The following OPRK1 variants were observed in gnomAD, a reference collection of about 807,000 sequenced individuals.
The protein encoded by OPRK1 is kappa-type opioid receptor.
A neutral mutation model predicts 24.5 loss-of-function variants in OPRK1; 15 were observed. The observed-to-expected ratio is 0.61, with a 90% confidence interval of 0.41 to 0.94. The LOEUF (loss-of-function observed/expected upper bound fraction) is 0.94, where lower values mean the gene tolerates loss of function less well. Ranked by LOEUF, OPRK1 falls within the 40% of genes least tolerant of loss-of-function variation. The pLI, the probability that OPRK1 is intolerant of heterozygous loss-of-function variation, is 0.00. For missense variants in OPRK1, 479 were observed against 507.3 expected (o/e 0.94, Z 0.54); for synonymous variants, 205 against 198.0 (o/e 1.04, Z -0.30).
At chr8:53,239,058 T>C (rs1807057771) in intron 2 of OPRK1, among the ~76,000 whole-genome samples, 2 of 152,254 alleles carry the variant, frequency 1.3e-5, no homozygotes, top group Admixed American at 1.3e-4. Flanking sequence ...GATTACCATA[T>C]ACCTTTCAAA....
chr8:53,247,163 T>C (rs1171635934), intron 2 of OPRK1, among the ~76,000 whole-genome samples: 1 of 152,168 alleles, frequency 6.6e-6, no homozygotes, highest in Non-Finnish European at 1.5e-5. Context: ...TGATAGCTCA[T>C]GCAGTCTAGG....
At chr8:53,247,568 T>G (rs1388063080) in intron 2 of OPRK1, among the ~76,000 whole-genome samples, 1 of 152,032 alleles carries the variant, frequency 6.6e-6, no homozygotes, top group Non-Finnish European at 1.5e-5. Flanking sequence ...GAATGGATGT[T>G]TGTGATGTCA....
At chr8:53,241,926 T>C (rs1359563999) in intron 2 of OPRK1, among the ~76,000 whole-genome samples, 1 of 152,154 alleles carries the variant, frequency 6.6e-6, no homozygotes, top group African/African-American at 2.4e-5. Flanking sequence ...CTCTCAGTTG[T>C]CCCGGCTGTG....
intron 3 of OPRK1, among the ~76,000 whole-genome samples, chr8:53,232,626 T>C (rs1414743023): frequency 6.6e-6 from 1 of 152,200 alleles, no homozygotes; most frequent in East Asian, 1.9e-4. Context: ...CATTTTCAGG[T>C]TGAAGTATCC....
intron 3 of OPRK1, 142 bp downstream of exon 3, chr8:53,234,617 T>C (rs1806942152): frequency 1.5e-6 from 1 of 679,510 alleles, no homozygotes; most frequent in Admixed American, 2.9e-5. Flanking sequence ...CTACTTCTCA[T>C]CTTCCATGGA....
At chr8:53,250,668 G>T in intron 2 of OPRK1, 113 bp downstream of exon 2, 1 of 1,135,416 alleles carries the variant, frequency 8.8e-7, no homozygotes, top group Non-Finnish European at 1.2e-6. Context: ...ATCCTTCACG[G>T]AACAGAGTCC....
intron 2 of OPRK1, among the ~76,000 whole-genome samples, chr8:53,243,297 A>G (rs565861534): frequency 6.6e-6 from 1 of 152,346 alleles, no homozygotes; most frequent in Admixed American, 6.5e-5. Context: ...CAGCCACATG[A>G]AAATATTGCT....
chr8:53,230,879 C>T (rs903921323), intron 3 of OPRK1, among the ~76,000 whole-genome samples: 3 of 152,126 alleles, frequency 2.0e-5, no homozygotes, highest in African/African-American at 7.2e-5. Flanking sequence ...TTTTCTGACA[C>T]TGGAAAAATC....
At position 53,239,255 on chromosome 8, in the gene OPRK1, T is replaced by C. The variant is rs1054720384; in HGVS notation, c.258-4144A>G. Among the ~76,000 whole-genome samples the C allele has an allele frequency of 3.9e-5, 6 of 152,168 alleles. No homozygotes were observed. In the East Asian group the frequency reaches 1.2e-3, roughly 29 times the overall value. ...TAGACTTTGAGGATGACTGAAAAAC[T>C]CAATATACAGACCCTGGCTCTGAGG... On this transcript the variant is annotated intron_variant, in intron 2 of 3. Coordinates refer to ENST00000265572, the MANE Select transcript of OPRK1 (RefSeq NM_000912.5).
intron 2 of OPRK1, chr8:53,242,835 C>G: frequency 7.9e-7 from 1 of 1,266,006 alleles, no homozygotes; most frequent in Non-Finnish European, 1.0e-6. Context: ...CAAGGCTTCC[C>G]TGCCCGGCTT....
chr8:53,238,093 A>G (rs1470533861), intron 2 of OPRK1, among the ~76,000 whole-genome samples: 3 of 152,352 alleles, frequency 2.0e-5, no homozygotes, highest in Admixed American at 1.3e-4. Flanking sequence ...GTGAATATAA[A>G]GCAAGGCTGT....
chr8:53,239,121 C>T (rs1411531171), intron 2 of OPRK1, among the ~76,000 whole-genome samples: 1 of 152,208 alleles, frequency 6.6e-6, no homozygotes, highest in East Asian at 1.9e-4. Flanking sequence ...TTCTCTTGCA[C>T]TTGTCCCCTA....
At position 53,226,860 on chromosome 8, in the gene OPRK1, T is replaced by C. The variant is rs1487619320; in HGVS notation, c.*2437A>G. ...GACACCCCTTGTGGGCACATACAGC[T>C]ACTATTCTCTCCTTGGGCTGCAGAC... On this transcript the variant is annotated 3_prime_UTR_variant, in exon 4 of 4. Coordinates refer to ENST00000265572, the MANE Select transcript of OPRK1 (RefSeq NM_000912.5). 1 of 152,228 alleles carries C rather than the reference T, an allele frequency of 6.6e-6. No individual in the cohort carries two copies. The highest frequency in any genetic ancestry group is 1.5e-5 in the Non-Finnish European group (1 of 68,040). 9.4% of individuals were successfully genotyped at this position (152,228 alleles called of 1,614,324 possible). A position where few individuals can be genotyped will look rare whatever the true frequency, so the allele number is the denominator to read the frequency against.
Position 53,229,419 on chromosome 8 carries a change from A to C in OPRK1, c.1021T>G (p.Phe341Val). 6.2e-7 allele frequency: 1 copy of C among 1,614,192 alleles called. No individual in the cohort carries two copies. Among genetic ancestry groups the C allele is most frequent in the Non-Finnish European group, 8.5e-7 (1 of 1,180,050 alleles). ...TTCAGTGGAAAGCAGAAGTCCCGGA[A>C]ACACCGCTTGAAGTTTTCATCAAGA... ...AFLDENFKRC[F>V]RDFCFPLKMR... The change falls in exon 4 of 4, where the codon TTC (phenylalanine) becomes GTC (valine). Residue 341 changes from phenylalanine to valine, a missense_variant. Phe to Val is a conservative substitution (Grantham distance 50). Transcript: ENST00000265572.
At position 53,229,764 on chromosome 8, in the gene OPRK1, T is replaced by C; in HGVS notation, c.676A>G (p.Met226Val). 6 of 1,613,030 alleles carry C rather than the reference T, an allele frequency of 3.7e-6. No individual in the cohort carries two copies. Among genetic ancestry groups the C allele is most frequent in the Non-Finnish European group, 5.1e-6 (6 of 1,179,516 alleles). The change falls in exon 4 of 4, where the codon ATG (methionine) becomes GTG (valine). Residue 226 changes from methionine (M) to valine (V), a missense_variant. Transcript: ENST00000265572. ...GCAAAGATGAAGACGCAGATCTTCATGAAGAGGTCCCACCAGGAGTAGTCA... is the reference window on the plus strand; with the variant it reads ...GCAAAGATGAAGACGCAGATCTTCACGAAGAGGTCCCACCAGGAGTAGTCA... Reference protein sequence around the residue: ...DDDYSWWDLFMKICVFIFAFV... With the variant: ...DDDYSWWDLFVKICVFIFAFV...
chr8:53,242,057 C>T (rs528297363), intron 2 of OPRK1, among the ~76,000 whole-genome samples: 3 of 152,336 alleles, frequency 2.0e-5, no homozygotes, highest in East Asian at 1.9e-4. Flanking sequence ...TAATGACTGG[C>T]GTGCACTTTC....
chr8:53,233,724 T>C (rs1806911423), intron 3 of OPRK1, among the ~76,000 whole-genome samples: 1 of 152,188 alleles, frequency 6.6e-6, no homozygotes, highest in Non-Finnish European at 1.5e-5. Flanking sequence ...CCTCTCACCT[T>C]GGCTGCAGGT....
Position 53,225,982 on chromosome 8 carries a change from A to G in OPRK1, c.*3315T>C, listed in dbSNP as rs1219690630. The stretch of plus-strand genomic sequence containing the variant: ...ATAAATCTCATTGATAGGACACACA[A>G]CCTTTCACAGCTTTCACTTTACAAT... On this transcript the variant is annotated 3_prime_UTR_variant, in exon 4 of 4. Transcript: ENST00000265572. 1.3e-5 allele frequency: 2 copies of G among 152,108 alleles called. No homozygotes were observed. Among genetic ancestry groups the G allele is most frequent in the Non-Finnish European group, 2.9e-5 (2 of 68,036 alleles). 9.4% of individuals were successfully genotyped at this position (152,108 alleles called of 1,614,324 possible).
Position 53,226,728 on chromosome 8 carries a change from G to A in OPRK1, c.*2569C>T, listed in dbSNP as rs1053593837. 8 of 110,856 alleles carry A rather than the reference G, an allele frequency of 7.2e-5. No homozygotes were observed. Among genetic ancestry groups the A allele is most frequent in the Non-Finnish European group, 1.2e-4 (7 of 57,152 alleles). The allele number at this position is 110,856 out of a possible 1,614,324, so 6.9% of individuals were successfully genotyped here. A position where few individuals can be genotyped will look rare whatever the true frequency, so the allele number is the denominator to read the frequency against. On this transcript the variant is annotated 3_prime_UTR_variant, in exon 4 of 4. Coordinates refer to ENST00000265572, the MANE Select transcript of OPRK1 (RefSeq NM_000912.5). ...GTGCAAGTGGTATTTTCCCTGCTAC[G>A]TTGTTTACTTTATCATTCCTTTAAA... is the stretch of plus-strand genomic sequence containing the variant.
Sources: gnomAD v4.1 joint callset for allele counts (sites outside exome capture counted in the v4.1 genomes callset) on GRCh38, gnomAD v4.1.1 for gene constraint, MANE v1.5 for transcripts, NCBI Gene and HGNC (gene_info 2026-07-23, HGNC 2026-07-21) for gene names.